The following ACSF2 variants were observed in gnomAD, a reference collection of about 807,000 sequenced individuals.
The protein encoded by ACSF2 is acyl-CoA synthetase family member 2.
Under a neutral mutation model 79.3 loss-of-function variants are expected in ACSF2, and 52 were observed. The observed-to-expected ratio is 0.66, with a 90% CI of 0.53 to 0.83. The LOEUF is 0.83. ACSF2 is among the 40% of genes least tolerant of loss of function. ACSF2 has a pLI of 0.00. For synonymous variants in ACSF2, 283 were observed against 312.6 expected, an observed-to-expected ratio of 0.91 and a Z score of 1.00; for missense variants, 661 against 803.3, an observed-to-expected ratio of 0.82 and a Z score of 2.14.
intron 1 of ACSF2, among the ~76,000 whole-genome samples, chr17:50,457,568 G>A (rs1297132741): frequency 6.6e-6 from 1 of 152,246 alleles, no homozygotes; most frequent in Non-Finnish European, 1.5e-5. Flanking sequence ...TGGTAGTTGA[G>A]ATGTGAGGAG....
chr17:50,464,034 T>TG, intron 9 of ACSF2, 125 bp downstream of exon 9: 1 of 370,770 alleles, frequency 2.7e-6, no homozygotes, highest in Admixed American at 4.5e-5. Context: ...TGTAAAAATG[T>TG]GGGTGGGAGG....
At position 50,463,597 on chromosome 17, in the gene ACSF2, T is replaced by C. The variant is rs1467988917; in HGVS notation, c.1046+45T>C. On this transcript the variant is annotated intron_variant, in intron 8 of 15. Coordinates refer to ENST00000300441, the MANE Select transcript of ACSF2 (RefSeq NM_025149.6). The surrounding 1 kb of genome is among the most constrained non-coding windows in gnomAD (Gnocchi z 4.6). ...CTACTTGTGGGCTGATAAAACCCTC[T>C]TCTTCCTCACTCCTGGGCCCTGACA... 3 of 1,601,860 alleles carry C rather than the reference T, an allele frequency of 1.9e-6. No individual in the cohort carries two copies. The highest frequency in any genetic ancestry group is 2.6e-6 in the Non-Finnish European group (3 of 1,172,954).
chr17:50,449,540 G>C (rs1187531268), intron 1 of ACSF2, among the ~76,000 whole-genome samples: 1 of 151,370 alleles, frequency 6.6e-6, no homozygotes, highest in Non-Finnish European at 1.5e-5. Context: ...AAGTAACTGG[G>C]ACTACAGGCG....
At chr17:50,461,414 A>G in intron 3 of ACSF2, 44 bp downstream of exon 3, 1 of 1,612,202 alleles carries the variant, frequency 6.2e-7, no homozygotes. Flanking sequence ...GCATGGGGGA[A>G]CATCACTGAA....
At chr17:50,464,777 G>GGA (rs1491226384) in intron 10 of ACSF2, 11 of 331,046 alleles carry the variant, frequency 3.3e-5, no homozygotes, top group African/African-American at 2.2e-4. Context: ...CTTGGGGGGG[G>GGA]GGTCTCAGCA....
chr17:50,442,296 A>T (rs1318857027), intron 1 of ACSF2, among the ~76,000 whole-genome samples: 1 of 150,808 alleles, frequency 6.6e-6, no homozygotes, highest in Non-Finnish European at 1.5e-5. Flanking sequence ...CAAGAGTGAA[A>T]CTCCATCCCA....
At chr17:50,440,775 T>C (rs956524829) in intron 1 of ACSF2, among the ~76,000 whole-genome samples, 1 of 152,248 alleles carries the variant, frequency 6.6e-6, no homozygotes, top group African/African-American at 2.4e-5. Context: ...CAGAAGGCTT[T>C]CCAGGTGGGT....
chr17:50,447,616 A>G (rs2031385512), intron 1 of ACSF2, among the ~76,000 whole-genome samples: 1 of 152,176 alleles, frequency 6.6e-6, no homozygotes, highest in African/African-American at 2.4e-5. Context: ...ATTGCCATAC[A>G]AAGAGTTTTT....
At chr17:50,468,605 G>T (rs773474156) in intron 10 of ACSF2, 4 of 1,614,106 alleles carry the variant, frequency 2.5e-6, no homozygotes, top group Non-Finnish European at 3.4e-6. Flanking sequence ...GGCCCGGAAC[G>T]AATTGGCAGC....
At chr17:50,461,073 C>T (rs1479434392) in intron 2 of ACSF2, 169 bp from the exon 3 acceptor site, 1 of 1,181,682 alleles carries the variant, frequency 8.5e-7, no homozygotes, top group East Asian at 2.6e-5. Context: ...TCCTGGGGCA[C>T]CTGTTAACTA....
chr17:50,434,737 C>T (rs952899432), intron 1 of ACSF2, among the ~76,000 whole-genome samples: 7 of 151,438 alleles, frequency 4.6e-5, no homozygotes, highest in South Asian at 4.2e-4. Context: ...TCTTTGTAGT[C>T]GTTTGTAGTT....
chr17:50,468,850 C>G (rs2032936933), intron 10 of ACSF2: 1 of 1,452,526 alleles, frequency 6.9e-7, no homozygotes, highest in Admixed American at 2.7e-5. Context: ...GGGGCAGCAG[C>G]GGCGGCGGGG....
chr17:50,468,606 A>G, intron 10 of ACSF2: 10 of 1,614,196 alleles, frequency 6.2e-6, no homozygotes, highest in Non-Finnish European at 5.9e-6. Flanking sequence ...GCCCGGAACG[A>G]ATTGGCAGCC....
intron 10 of ACSF2, chr17:50,464,519 T>C: frequency 1.5e-6 from 1 of 674,314 alleles, no homozygotes; most frequent in East Asian, 2.9e-5. Flanking sequence ...TACATTTATA[T>C]TTATAGAAAT....
At chr17:50,444,755 T>C (rs2031187131) in intron 1 of ACSF2, among the ~76,000 whole-genome samples, 1 of 152,010 alleles carries the variant, frequency 6.6e-6, no homozygotes, top group East Asian at 1.9e-4. Flanking sequence ...AAATGCCTCA[T>C]GTTTGTTTTT....
At chr17:50,454,224 C>T (rs1049767783) in intron 1 of ACSF2, among the ~76,000 whole-genome samples, 4 of 143,150 alleles carry the variant, frequency 2.8e-5, no homozygotes, top group African/African-American at 1.1e-4. Context: ...GTCACCCAGG[C>T]TGGTCTCAAA....
intron 1 of ACSF2, among the ~76,000 whole-genome samples, chr17:50,443,304 T>C (rs908389027): frequency 1.3e-5 from 2 of 152,182 alleles, no homozygotes; most frequent in Admixed American, 6.5e-5. Context: ...TCCCCTTAGA[T>C]TCTCCATGGC....
chr17:50,454,169 A>ATT (rs34569538), intron 1 of ACSF2, among the ~76,000 whole-genome samples: 1,535 of 113,046 alleles, frequency 0.014, 73 homozygotes, highest in African/African-American at 0.055. Flanking sequence ...ACCGTCCCAA[A>ATT]TTTTTTTTTT....
At chr17:50,473,547 C>T (rs1312376340) in intron 12 of ACSF2, 118 bp from the exon 13 acceptor site, 63 of 1,410,266 alleles carry the variant, frequency 4.5e-5, no homozygotes, top group Non-Finnish European at 6.1e-5. Flanking sequence ...TGCTATGTCT[C>T]CCAGAGTCTA....
Sources: gnomAD v4.1 joint callset for allele counts (sites outside exome capture counted in the v4.1 genomes callset) on GRCh38, gnomAD v4.1.1 for gene constraint, Gnocchi (gnomAD v3.1) non-coding constraint, MANE v1.5 for transcripts, NCBI Gene and HGNC (gene_info 2026-07-23, HGNC 2026-07-21) for gene names.